The following MRPS9 variants were observed in gnomAD, a reference collection of about 807,000 sequenced individuals.
MRPS9 encodes the protein mitochondrial ribosomal protein S9.
Under a neutral mutation model 59.9 loss-of-function variants are expected in MRPS9, and 45 were observed. The ratio of observed to expected loss-of-function variants is 0.75; its 90% CI spans 0.59 to 0.96. The LOEUF (loss-of-function observed/expected upper bound fraction) is 0.96. Among genes scored for constraint, MRPS9 ranks in the 40% least tolerant of loss-of-function variants. The probability of loss-of-function intolerance (pLI) is 0.00; values close to 1 mark genes in which losing one functional copy is unlikely to be tolerated. For missense variants in MRPS9, 473 were observed against 481.1 expected (o/e 0.98, Z 0.16); for synonymous variants, 171 against 166.8 (o/e 1.03, Z -0.19).
chr2:105,062,991 G>T (rs951172989), intron 2 of MRPS9, among the ~76,000 whole-genome samples: 2 of 152,146 alleles, frequency 1.3e-5, no homozygotes, highest in Non-Finnish European at 2.9e-5. Context: ...TTTGTATTTT[G>T]TCTTTCATTG....
intron 1 of MRPS9, among the ~76,000 whole-genome samples, chr2:105,042,485 C>T (rs897944758): frequency 3.3e-5 from 5 of 152,220 alleles, no homozygotes; most frequent in African/African-American, 1.2e-4. Flanking sequence ...TGGAAGCTGC[C>T]TACAACAGTG....
intron 1 of MRPS9, among the ~76,000 whole-genome samples, chr2:105,046,355 C>T (rs193091199): frequency 3.9e-5 from 6 of 152,126 alleles, no homozygotes; most frequent in Admixed American, 3.3e-4. Flanking sequence ...CCTACCTTCC[C>T]TCACCTACAA....
rs10547330 is a variant in MRPS9 at position 105,060,017 on chromosome 2, T to TAA, written c.315+10688_315+10689dup. 6.2e-3 allele frequency among the ~76,000 whole-genome samples: 626 copies of TAA among 100,560 alleles called. 14 individuals are homozygous for TAA. The highest frequency in any genetic ancestry group is 0.016 in the African/African-American group (436 of 27,228). 66.0% of individuals were successfully genotyped at this position (100,560 alleles called of 152,430 possible). ...CTGAATCACATAACAGGAAAACTGCTAAAAAAAAAAAAAAAAAAAAAAGAC... is the reference window on the plus strand; with the variant it reads ...CTGAATCACATAACAGGAAAACTGCTAAAAAAAAAAAAAAAAAAAAAAAAGAC... On this transcript the variant is annotated intron_variant, in intron 2 of 10. Coordinates refer to ENST00000258455, the MANE Select transcript of MRPS9 (RefSeq NM_182640.3).
intron 1 of MRPS9, among the ~76,000 whole-genome samples, chr2:105,044,045 C>T (rs1364522836): frequency 6.6e-6 from 1 of 151,944 alleles, no homozygotes; most frequent in Non-Finnish European, 1.5e-5. Context: ...AAGTGAGTCT[C>T]CTGCCTCAGC....
At chr2:105,050,937 A>G (rs1679700780) in intron 2 of MRPS9, among the ~76,000 whole-genome samples, 1 of 152,124 alleles carries the variant, frequency 6.6e-6, no homozygotes, top group African/African-American at 2.4e-5. Context: ...CCTTTTTATT[A>G]CTGAATAGTT....
intron 7 of MRPS9, among the ~76,000 whole-genome samples, chr2:105,090,747 G>T (rs991474054): frequency 3.3e-5 from 5 of 152,178 alleles, no homozygotes; most frequent in African/African-American, 4.8e-5. Context: ...GAAGATTGGG[G>T]TGTAGATAAA....
chr2:105,047,698 T>C (rs1484184219), intron 1 of MRPS9, among the ~76,000 whole-genome samples: 1 of 152,126 alleles, frequency 6.6e-6, no homozygotes, highest in Non-Finnish European at 1.5e-5. Context: ...TCTGTTCTAG[T>C]TATTTCCAGC....
chr2:105,051,548 A>C (rs1346488404), intron 2 of MRPS9, among the ~76,000 whole-genome samples: 2 of 152,168 alleles, frequency 1.3e-5, no homozygotes, highest in African/African-American at 4.8e-5. Context: ...ATGAAATTTT[A>C]GGATCAGCTT....
At chr2:105,040,318 G>C (rs1387158808) in intron 1 of MRPS9, among the ~76,000 whole-genome samples, 1 of 152,012 alleles carries the variant, frequency 6.6e-6, no homozygotes, top group East Asian at 1.9e-4. Flanking sequence ...CACTATACCT[G>C]GTCTTTTGTT....
rs1680601063 is a variant in MRPS9, at chr2:105,093,572, A to C, written c.863A>C (p.His288Pro). 1 of 1,607,694 alleles carries C rather than the reference A, an allele frequency of 6.2e-7. No individual in the cohort carries two copies. The highest frequency in any genetic ancestry group is 1.1e-5 in the South Asian group (1 of 89,588). ...AAAGCAGAAGCAATTGTTTATAAAC[A>C]TGGAAGTGGAAGAATAAAAGTAAAT... ...TAKAEAIVYK[H>P]GSGRIKVNGI... The change falls in exon 9 of 11, where the codon CAT becomes CCT. Residue 288 changes from histidine to proline, a missense_variant. Transcript: ENST00000258455.
At chr2:105,082,253 C>T (rs1051432619) in intron 5 of MRPS9, among the ~76,000 whole-genome samples, 2 of 152,078 alleles carry the variant, frequency 1.3e-5, no homozygotes, top group African/African-American at 4.8e-5. Flanking sequence ...TAATTTTTTC[C>T]CTATGTGGCA....
intron 8 of MRPS9, among the ~76,000 whole-genome samples, chr2:105,093,013 A>G (rs1279322214): frequency 6.6e-6 from 1 of 152,210 alleles, no homozygotes. Context: ...TCCAACTTTT[A>G]CGACTTGAAC....
intron 4 of MRPS9, among the ~76,000 whole-genome samples, chr2:105,076,507 A>G (rs938222123): frequency 2.6e-5 from 4 of 152,378 alleles, no homozygotes; most frequent in East Asian, 3.9e-4. Flanking sequence ...ATACATACGT[A>G]TATACATACA....
chr2:105,047,986 G>C (rs902637086), intron 1 of MRPS9, among the ~76,000 whole-genome samples: 1 of 151,898 alleles, frequency 6.6e-6, no homozygotes, highest in Non-Finnish European at 1.5e-5. Context: ...ACTAGTTTAC[G>C]GTCCCACCAA....
chr2:105,049,258 A>T lies in MRPS9; in HGVS notation c.223A>T (p.Lys75Ter). The T allele has an allele frequency of 6.2e-7, 1 of 1,613,162 alleles. No homozygotes were observed. Among genetic ancestry groups the T allele is most frequent in the Non-Finnish European group, 8.5e-7 (1 of 1,179,596 alleles). Residue 75 changes from lysine (K) to a stop codon, truncating the protein, a stop_gained, in exon 2 of 11, where the codon AAA (lysine) becomes TAA (stop). Coordinates refer to ENST00000258455, the MANE Select transcript of MRPS9 (RefSeq NM_182640.3). LOFTEE classifies it high-confidence loss of function. Reference protein sequence around the residue: ...KRETYTEDFIKKQIEEFNIGK... With the variant: ...KRETYTEDFI ...TGAAACTTACACAGAGGATTTTATT[A>T]AAAAGCAGATTGAAGAGTTCAACAT... is the stretch of plus-strand genomic sequence containing the variant.
At chr2:105,050,056 A>G (rs1191286123) in intron 2 of MRPS9, among the ~76,000 whole-genome samples, 1 of 152,134 alleles carries the variant, frequency 6.6e-6, no homozygotes, top group African/African-American at 2.4e-5. Flanking sequence ...ATCTTTCTGT[A>G]TACTTTTCCT....
chr2:105,045,000 A>G (rs1244807457), intron 1 of MRPS9, among the ~76,000 whole-genome samples: 1 of 152,184 alleles, frequency 6.6e-6, no homozygotes, highest in African/African-American at 2.4e-5. Flanking sequence ...ATAAAAAGCT[A>G]AAAATTCATA....
chr2:105,041,677 CTT>C (rs1439398495), intron 1 of MRPS9, among the ~76,000 whole-genome samples: 1 of 152,034 alleles, frequency 6.6e-6, no homozygotes, highest in East Asian at 1.9e-4. Flanking sequence ...GTATAATTGA[CTT>C]GAATTTGTAT....
At chr2:105,079,183 T>C (rs1352947681) in intron 4 of MRPS9, among the ~76,000 whole-genome samples, 20 of 152,188 alleles carry the variant, frequency 1.3e-4, no homozygotes, top group Non-Finnish European at 1.0e-4. Context: ...AAAGGTAACA[T>C]AAGTAAAAGT....
Sources: gnomAD v4.1 joint callset for allele counts (sites outside exome capture counted in the v4.1 genomes callset) on GRCh38, gnomAD v4.1.1 for gene constraint, MANE v1.5 for transcripts, NCBI Gene and HGNC (gene_info 2026-07-23, HGNC 2026-07-21) for gene names.